The following CCDC138 variants were observed in gnomAD, a reference collection of about 807,000 sequenced individuals.
The protein encoded by CCDC138 is coiled-coil domain containing 138, also known as coiled-coil domain-containing protein 138.
Under a neutral mutation model 82.3 loss-of-function variants are expected in CCDC138, and 66 were observed. That is an observed-to-expected ratio of 0.80 (90% CI 0.66 to 0.98). The LOEUF is 0.98. CCDC138 is among the 50% of genes least tolerant of loss of function. The pLI is 0.00. For missense variants in CCDC138, 816 were observed against 758.9 expected (o/e 1.08, Z -0.88); for synonymous variants, 297 against 265.4 (o/e 1.12, Z -1.16).
chr2:108,862,764 C>T (rs920905265), intron 13 of CCDC138, among the ~76,000 whole-genome samples: 5 of 151,854 alleles, frequency 3.3e-5, no homozygotes, highest in Admixed American at 1.3e-4. Flanking sequence ...ATCTTTTTTC[C>T]ACAAACGGTT....
At chr2:108,862,089 T>TA (rs1693722371) in intron 13 of CCDC138, among the ~76,000 whole-genome samples, 1 of 151,188 alleles carries the variant, frequency 6.6e-6, no homozygotes, top group Non-Finnish European at 1.5e-5. Flanking sequence ...TTTTTTTTTT[T>TA]TTATTTGTTG....
At chr2:108,845,188 A>AT (rs1690234158) in intron 11 of CCDC138, among the ~76,000 whole-genome samples, 1 of 152,028 alleles carries the variant, frequency 6.6e-6, no homozygotes, top group Non-Finnish European at 1.5e-5. Flanking sequence ...ATTTTTTTCT[A>AT]TTTTTTACAC....
chr2:108,866,827 G>T (rs149812322), intron 13 of CCDC138, among the ~76,000 whole-genome samples: 102 of 151,752 alleles, frequency 6.7e-4, no homozygotes, highest in African/African-American at 2.4e-3. Context: ...AGTTTGCAGT[G>T]AGCCGAGATC....
At chr2:108,829,490 A>G (rs6756939) in intron 10 of CCDC138, among the ~76,000 whole-genome samples, 99,027 of 152,204 alleles carry the variant, frequency 0.65, 35,219 homozygotes, top group East Asian at 0.92. Context: ...CCATGCCTGT[A>G]ATGCCAGCAC....
chr2:108,873,734 T>A, intron 14 of CCDC138, 145 bp downstream of exon 14: 2 of 554,704 alleles, frequency 3.6e-6, no homozygotes, highest in Non-Finnish European at 6.3e-6. Context: ...ACGCTAACAC[T>A]AACGATAGCT....
chr2:108,856,829 T>C lies in CCDC138; in HGVS notation c.1552T>C (p.Leu518=). 1 of 1,613,424 alleles carries C rather than the reference T, an allele frequency of 6.2e-7. No individual in the cohort carries two copies. Among genetic ancestry groups the C allele is most frequent in the Non-Finnish European group, 8.5e-7 (1 of 1,179,772 alleles). Residue 518 remains leucine, a synonymous_variant, in exon 13 of 15, where the codon TTG becomes CTG. Transcript: ENST00000295124. The part of the protein sequence containing the change: ...YLAQAFDSLC[L]DLKTEEGKTL... ...GGCTCAGGCATTTGATTCTCTTTGT[T>C]TGGACTTGAAGACAGAAGAAGGAAA...
At position 108,816,015 on chromosome 2, in the gene CCDC138, A is replaced by AG; in HGVS notation, c.1117dup (p.Val373GlyfsTer4). 1 of 1,613,872 alleles carries AG rather than the reference A, an allele frequency of 6.2e-7. No homozygotes were observed. Among genetic ancestry groups the AG allele is most frequent in the Non-Finnish European group, 8.5e-7 (1 of 1,179,836 alleles). On this transcript the variant is annotated frameshift_variant, in exon 10 of 15. Coordinates refer to ENST00000295124, the MANE Select transcript of CCDC138 (RefSeq NM_144978.3). LOFTEE classifies it high-confidence loss of function. ...GGATTTCGGATCATCATCTTAGCAA[A>AG]GTGAAACATGAAGAATCTGGAATGG... is the stretch of plus-strand genomic sequence containing the variant.
intron 10 of CCDC138, among the ~76,000 whole-genome samples, chr2:108,823,562 C>T (rs1434354777): frequency 6.6e-6 from 1 of 152,230 alleles, no homozygotes; most frequent in Non-Finnish European, 1.5e-5. Flanking sequence ...CCTGTTGTTC[C>T]TAGGCTGTGA....
At chr2:108,804,523 A>G (rs1400440972) in intron 6 of CCDC138, among the ~76,000 whole-genome samples, 1 of 152,238 alleles carries the variant, frequency 6.6e-6, no homozygotes, top group East Asian at 1.9e-4. Flanking sequence ...TAAATAGCTT[A>G]TCTCTTGAAG....
intron 12 of CCDC138, among the ~76,000 whole-genome samples, chr2:108,848,762 A>C (rs1690920237): frequency 6.6e-6 from 1 of 152,204 alleles, no homozygotes; most frequent in African/African-American, 2.4e-5. Flanking sequence ...ATGATACAAA[A>C]TGAGTAATAA....
At chr2:108,847,103 A>G (rs1264935742) in intron 12 of CCDC138, among the ~76,000 whole-genome samples, 173 bp downstream of exon 12, 5 of 152,224 alleles carry the variant, frequency 3.3e-5, no homozygotes, top group Non-Finnish European at 5.9e-5. Flanking sequence ...TGAGAAATTG[A>G]AGTCTTTAGT....
chr2:108,828,892 T>C (rs572093667), intron 10 of CCDC138, among the ~76,000 whole-genome samples: 3 of 152,078 alleles, frequency 2.0e-5, no homozygotes, highest in African/African-American at 7.2e-5. Context: ...GCAGGAGAAT[T>C]GCTTGAACCC....
At chr2:108,803,321 G>T (rs1362719838) in intron 6 of CCDC138, among the ~76,000 whole-genome samples, 1 of 152,214 alleles carries the variant, frequency 6.6e-6, no homozygotes, top group Non-Finnish European at 1.5e-5. Context: ...TCTTCTGCGG[G>T]ATTCTCCCCA....
At chr2:108,787,546 CTA>C (rs1679093705) in intron 1 of CCDC138, among the ~76,000 whole-genome samples, 1 of 152,100 alleles carries the variant, frequency 6.6e-6, no homozygotes, top group Non-Finnish European at 1.5e-5. Flanking sequence ...ATTTGGTAAT[CTA>C]GAGTTCATAA....
At chr2:108,854,707 G>A (rs1247303570) in intron 12 of CCDC138, among the ~76,000 whole-genome samples, 3 of 152,100 alleles carry the variant, frequency 2.0e-5, no homozygotes, top group East Asian at 1.9e-4. Flanking sequence ...GGCTGGGCTC[G>A]GCTGGGCTTG....
At chr2:108,844,516 A>C (rs1370844425) in intron 11 of CCDC138, among the ~76,000 whole-genome samples, 1 of 151,834 alleles carries the variant, frequency 6.6e-6, no homozygotes, top group Non-Finnish European at 1.5e-5. Flanking sequence ...GACAATTCTA[A>C]CATTCTGTCC....
intron 9 of CCDC138, among the ~76,000 whole-genome samples, chr2:108,814,457 C>G (rs946753475): frequency 6.6e-6 from 1 of 151,864 alleles, no homozygotes; most frequent in African/African-American, 2.4e-5. Flanking sequence ...AAGTTTTCAT[C>G]TAAAGGGAGT....
intron 12 of CCDC138, among the ~76,000 whole-genome samples, chr2:108,854,353 T>A (rs1692267903): frequency 6.6e-6 from 1 of 151,784 alleles, no homozygotes; most frequent in Admixed American, 6.6e-5. Flanking sequence ...GGTTTGAATC[T>A]TAGCTTCACT....
In CCDC138 at chr2:108,794,532, C is replaced by A; in HGVS notation, c.395-8C>A. ...AAGTTTATAATGCAAATGTTATTTT[C>A]TTTGCAGTTGCCTTGCCAACTAATA... On this transcript the variant is annotated splice_region_variant and splice_polypyrimidine_tract_variant and intron_variant, in intron 4 of 14. Coordinates refer to ENST00000295124, the MANE Select transcript of CCDC138 (RefSeq NM_144978.3). The A allele has an allele frequency of 6.3e-7, 1 of 1,588,240 alleles. No individual in the cohort carries two copies. The highest frequency in any genetic ancestry group is 8.6e-7 in the Non-Finnish European group (1 of 1,166,468).
Sources: gnomAD v4.1 joint callset for allele counts (sites outside exome capture counted in the v4.1 genomes callset) on GRCh38, gnomAD v4.1.1 for gene constraint, MANE v1.5 for transcripts, NCBI Gene and HGNC (gene_info 2026-07-23, HGNC 2026-07-21) for gene names.